BRDT: variants seen among roughly 807,000 people sequenced by gnomAD.
BRDT encodes the protein bromodomain testis-specific protein.
Under a neutral mutation model 113.9 loss-of-function variants are expected in BRDT, and 77 were observed. The ratio of observed to expected loss-of-function variants is 0.68; its 90% CI spans 0.56 to 0.82. The LOEUF is 0.82. Among genes scored for constraint, BRDT ranks in the 40% least tolerant of loss-of-function variants. The pLI, the probability that BRDT is intolerant of heterozygous loss-of-function variation, is 0.00. For missense variants in BRDT, 1,027 were observed against 1,105.4 expected (o/e 0.93, Z 1.01); for synonymous variants, 358 against 366.5 (o/e 0.98, Z 0.26).
intron 1 of BRDT, among the ~76,000 whole-genome samples, chr1:91,951,410 G>T (rs1045675592): frequency 7.2e-5 from 11 of 152,056 alleles, no homozygotes; most frequent in African/African-American, 2.7e-4. Flanking sequence ...GCAGTCATTT[G>T]TGCCCATGTA....
chr1:92,006,045 CTAGTGATTTCTGT>C (rs1687262266), intron 18 of BRDT, among the ~76,000 whole-genome samples: 1 of 152,174 alleles, frequency 6.6e-6, no homozygotes, highest in African/African-American at 2.4e-5. Context: ...TTTTCTGATT[CTAGTGATTTCTGT>C]TAGTGATTTC....
intron 15 of BRDT, among the ~76,000 whole-genome samples, chr1:92,001,396 G>C (rs1219058172): frequency 6.6e-6 from 1 of 152,070 alleles, no homozygotes; most frequent in Non-Finnish European, 1.5e-5. Flanking sequence ...CAAAACTCAT[G>C]TTGAAATTTA....
intron 1 of BRDT, among the ~76,000 whole-genome samples, chr1:91,959,565 C>T (rs1682196781): frequency 6.6e-6 from 1 of 152,044 alleles, no homozygotes; most frequent in Non-Finnish European, 1.5e-5. Flanking sequence ...ATTGCAGCCT[C>T]TACCTCCCGG....
chr1:91,961,988 A>T (rs1004758806), intron 1 of BRDT, among the ~76,000 whole-genome samples: 1 of 151,652 alleles, frequency 6.6e-6, no homozygotes, highest in African/African-American at 2.4e-5. Flanking sequence ...TACTAAAAAT[A>T]CAAAAAGTTA....
chr1:91,977,330 T>C lies in BRDT; in HGVS notation c.906T>C (p.Asn302=), dbSNP rs752239088. The C allele has an allele frequency of 1.4e-5, 23 of 1,613,732 alleles. No homozygotes were observed. The highest frequency in any genetic ancestry group is 1.9e-5 in the Non-Finnish European group (22 of 1,179,972). ...AWPFYNPVDV[N]ALGLHNYYDV... is the part of the protein sequence containing the mutation. ...CCTTTTATAATCCTGTTGACGTTAA[T>C]GCTTTGGGACTCCATAACTACTATG... The change falls in exon 6 of 19, where the codon AAT becomes AAC. Residue 302 remains asparagine (N), a synonymous_variant. Transcript: ENST00000399546.
chr1:91,967,839 TCA>T (rs1362774152), intron 3 of BRDT, among the ~76,000 whole-genome samples: 2 of 152,218 alleles, frequency 1.3e-5, no homozygotes, highest in Non-Finnish European at 2.9e-5. Context: ...GGCGAAATTC[TCA>T]GTTTTAATAC....
intron 12 of BRDT, among the ~76,000 whole-genome samples, chr1:91,987,534 C>T (rs1242777039): frequency 2.6e-5 from 4 of 151,868 alleles, no homozygotes; most frequent in East Asian, 2.0e-4. Flanking sequence ...GACGGGGTTT[C>T]GCCATATTGG....
At chr1:91,991,636 T>G (rs1477098900) in intron 13 of BRDT, among the ~76,000 whole-genome samples, 1 of 152,166 alleles carries the variant, frequency 6.6e-6, no homozygotes, top group African/African-American at 2.4e-5. Context: ...CAGATAAAGC[T>G]TATAATTGCC....
At chr1:92,010,388 G>A (rs1412231940) in intron 18 of BRDT, among the ~76,000 whole-genome samples, 1 of 146,826 alleles carries the variant, frequency 6.8e-6, no homozygotes, top group Non-Finnish European at 1.5e-5. Flanking sequence ...GATTCTCATG[G>A]TGCAGCCTCT....
chr1:92,012,476 A>G (rs898326883), intron 18 of BRDT, among the ~76,000 whole-genome samples: 1 of 152,260 alleles, frequency 6.6e-6, no homozygotes, highest in African/African-American at 2.4e-5. Flanking sequence ...CAAATTTTGC[A>G]GTATGTCTGG....
intron 12 of BRDT, among the ~76,000 whole-genome samples, chr1:91,984,467 G>A (rs1685014814): frequency 6.6e-6 from 1 of 152,134 alleles, no homozygotes; most frequent in Non-Finnish European, 1.5e-5. Flanking sequence ...TCAAGGAACA[G>A]ATGGCAAATT....
chr1:91,987,123 T>G (rs1253286317), intron 12 of BRDT, among the ~76,000 whole-genome samples: 5 of 152,078 alleles, frequency 3.3e-5, no homozygotes, highest in Non-Finnish European at 7.4e-5. Context: ...TTTCCCCATG[T>G]TGGCCAGGCT....
Position 91,977,360 on chromosome 1 carries a change from T to C in BRDT, c.936T>C (p.Val312=). The change falls in exon 6 of 19, where the codon GTT becomes GTC. Residue 312 remains valine (V), a synonymous_variant. Coordinates refer to ENST00000399546, the MANE Select transcript of BRDT (RefSeq NM_207189.4). ...TGGGACTCCATAACTACTATGACGTTGTCAAAAATCCGATGGATCTTGGAA... is the reference window on the plus strand; with the variant it reads ...TGGGACTCCATAACTACTATGACGTCGTCAAAAATCCGATGGATCTTGGAA... The part of the protein sequence containing the change: ...NALGLHNYYD[V]VKNPMDLGTI... 8 of 1,595,040 alleles carry C rather than the reference T, an allele frequency of 5.0e-6. No individual in the cohort carries two copies. The highest frequency in any genetic ancestry group is 6.0e-6 in the Non-Finnish European group (7 of 1,172,356).
chr1:91,985,936 C>A lies in BRDT; in HGVS notation c.2002+4181C>A, dbSNP rs1685198731. Reference sequence around the variant, plus strand: ...TACAGGCGTGAGCCACCGCGCCCGGCCCAAATCCTTGAAAAATGAGAGCTC... The same window carrying A: ...TACAGGCGTGAGCCACCGCGCCCGGACCAAATCCTTGAAAAATGAGAGCTC... On this transcript the variant is annotated intron_variant, in intron 12 of 18. Coordinates refer to ENST00000399546, the MANE Select transcript of BRDT (RefSeq NM_207189.4). Among the ~76,000 whole-genome samples the A allele has an allele frequency of 2.6e-5, 4 of 152,276 alleles. No individual in the cohort carries two copies. In the South Asian group the frequency reaches 8.3e-4, roughly 32 times the overall value.
intron 2 of BRDT, 139 bp from the exon 3 acceptor site, chr1:91,964,487 GC>G (rs1159475653): frequency 1.9e-6 from 1 of 519,170 alleles, no homozygotes; most frequent in Non-Finnish European, 3.1e-6. Context: ...GAGCCACTGT[GC>G]CCAGCCAGAA....
At chr1:92,011,527 A>G (rs1337388372) in intron 18 of BRDT, among the ~76,000 whole-genome samples, 2 of 152,084 alleles carry the variant, frequency 1.3e-5, no homozygotes, top group South Asian at 2.1e-4. Flanking sequence ...GGCGTGAGCT[A>G]CCACGCCCAG....
chr1:91,982,336 T>C (rs1684800581), intron 12 of BRDT, among the ~76,000 whole-genome samples: 1 of 152,220 alleles, frequency 6.6e-6, no homozygotes, highest in South Asian at 2.1e-4. Flanking sequence ...TCAAGTGCCA[T>C]ATTATCTTGT....
At chr1:92,013,547 T>C (rs1189111752) in intron 18 of BRDT, among the ~76,000 whole-genome samples, 1 of 152,244 alleles carries the variant, frequency 6.6e-6, no homozygotes, top group Non-Finnish European at 1.5e-5. Flanking sequence ...AGAATATCTA[T>C]AAGGGCAGTT....
intron 1 of BRDT, among the ~76,000 whole-genome samples, chr1:91,959,275 T>C (rs959754956): frequency 6.6e-5 from 10 of 152,062 alleles, no homozygotes. Context: ...GGTTAACCTT[T>C]GTGGATGAGG....
Sources: gnomAD v4.1 joint callset for allele counts (sites outside exome capture counted in the v4.1 genomes callset) on GRCh38, gnomAD v4.1.1 for gene constraint, MANE v1.5 for transcripts, NCBI Gene and HGNC (gene_info 2026-07-23, HGNC 2026-07-21) for gene names.